Variants in ACTN4 observed in about 807,000 individuals in gnomAD.
ACTN4 encodes alpha-actinin-4.
A neutral mutation model predicts 114.2 loss-of-function variants in ACTN4; 18 were observed. That is an observed-to-expected ratio of 0.16 (90% CI 0.11 to 0.23). The LOEUF is 0.23. ACTN4 is among the 10% of genes least tolerant of loss of function. The pLI, the probability that ACTN4 is intolerant of heterozygous loss-of-function variation, is 1.00. For missense variants in ACTN4, 722 were observed against 1,262.9 expected (o/e 0.57, Z 6.49); for synonymous variants, 515 against 506.3 (o/e 1.02, Z -0.23).
chr19:38,721,629 C>G lies in ACTN4; in HGVS notation c.1383C>G (p.Ser461Arg). The G allele has an allele frequency of 6.2e-7, 1 of 1,614,016 alleles. No individual in the cohort carries two copies. The change falls in exon 12 of 21, where the codon AGC (serine) becomes AGG (arginine). Residue 461 changes from serine to arginine, a missense_variant. Physicochemically the swap from Ser to Arg is moderately radical, Grantham distance 110 (BLOSUM62 -1). Transcript: ENST00000252699. Reference sequence around the variant, plus strand: ...TTCGCAAGCACGAGGCCTTCGAGAGCGACCTGGCTGCGCACCAGGACCGCG... The same window carrying G: ...TTCGCAAGCACGAGGCCTTCGAGAGGGACCTGGCTGCGCACCAGGACCGCG... ...ALIRKHEAFE[S>R]DLAAHQDRVE...
chr19:38,709,607 A>G, intron 7 of ACTN4, 131 bp downstream of exon 7: 4 of 794,354 alleles, frequency 5.0e-6, no homozygotes, highest in African/African-American at 1.7e-5. Flanking sequence ...AGAGCCAGCA[A>G]GAAGGGCTGA....
chr19:38,666,180 T>G (rs1237884357), intron 1 of ACTN4, among the ~76,000 whole-genome samples: 1 of 151,482 alleles, frequency 6.6e-6, no homozygotes, highest in East Asian at 1.9e-4. Context: ...CCCCCCCCTT[T>G]CCTGGGGTCA....
intron 1 of ACTN4, among the ~76,000 whole-genome samples, chr19:38,696,244 T>G (rs1968087856): frequency 6.6e-6 from 1 of 152,190 alleles, no homozygotes; most frequent in Non-Finnish European, 1.5e-5. Flanking sequence ...TGTCTGCTTT[T>G]GCTCACTGTT....
At chr19:38,689,939 C>G (rs1336373527) in intron 1 of ACTN4, among the ~76,000 whole-genome samples, 2 of 152,162 alleles carry the variant, frequency 1.3e-5, no homozygotes, top group African/African-American at 4.8e-5. Context: ...CTAAGCCTAG[C>G]TGGGGAAGGT....
chr19:38,651,731 G>T (rs1441227092), intron 1 of ACTN4, among the ~76,000 whole-genome samples: 1 of 151,102 alleles, frequency 6.6e-6, no homozygotes, highest in Non-Finnish European at 1.5e-5. Context: ...TGTTTTTTTT[G>T]TTTTGTTTTG....
rs1448687566 is a variant in ACTN4, at chr19:38,721,605, T to G, written c.1359T>G (p.Ile453Met). The change falls in exon 12 of 21, where the codon ATT becomes ATG. Residue 453 changes from isoleucine (I) to methionine (M), a missense_variant. Transcript: ENST00000252699. The stretch of plus-strand genomic sequence containing the variant: ...CACTATCGGACATCAAAGCCCTCAT[T>G]CGCAAGCACGAGGCCTTCGAGAGCG... ...TATLSDIKAL[I>M]RKHEAFESDL... 6 of 1,613,902 alleles carry G rather than the reference T, an allele frequency of 3.7e-6. No individual in the cohort carries two copies. The highest frequency in any genetic ancestry group is 8.5e-7 in the Non-Finnish European group (1 of 1,180,014).
chr19:38,680,224 T>G (rs1237772791), intron 1 of ACTN4, among the ~76,000 whole-genome samples: 5 of 25,258 alleles, frequency 2.0e-4, no homozygotes, highest in African/African-American at 3.6e-4. Context: ...TTTTTTTTTT[T>G]TTTTTTTTTT....
At chr19:38,651,751 T>C (rs113293049) in intron 1 of ACTN4, among the ~76,000 whole-genome samples, 3,374 of 152,102 alleles carry the variant, frequency 0.022, 50 homozygotes, top group Non-Finnish European at 0.037. Context: ...GTTTTGTTTT[T>C]TTTGAGACAG....
At chr19:38,663,103 G>C (rs550632066) in intron 1 of ACTN4, among the ~76,000 whole-genome samples, 13 of 152,092 alleles carry the variant, frequency 8.5e-5, no homozygotes, top group Non-Finnish European at 1.6e-4. Context: ...TAGAGACGGG[G>C]TTTCATCATG....
chr19:38,713,638 G>A (rs960171220), intron 8 of ACTN4, among the ~76,000 whole-genome samples: 10 of 152,316 alleles, frequency 6.6e-5, no homozygotes, highest in South Asian at 4.1e-4. Context: ...GAGGCTGGGC[G>A]TCGCTGCCTG....
At chr19:38,655,989 T>C (rs898627513) in intron 1 of ACTN4, among the ~76,000 whole-genome samples, 1 of 152,164 alleles carries the variant, frequency 6.6e-6, no homozygotes, top group Non-Finnish European at 1.5e-5. Context: ...TTTCTTCCAG[T>C]ATTTTCGATC....
chr19:38,652,874 T>C (rs1976606968), intron 1 of ACTN4, among the ~76,000 whole-genome samples: 1 of 151,812 alleles, frequency 6.6e-6, no homozygotes, highest in South Asian at 2.1e-4. Context: ...TCACCTGAGG[T>C]CAGGAGTTCG....
intron 1 of ACTN4, among the ~76,000 whole-genome samples, chr19:38,662,423 G>A (rs2144853157): frequency 6.6e-6 from 1 of 152,324 alleles, no homozygotes; most frequent in African/African-American, 2.4e-5. Flanking sequence ...GTATAACGGA[G>A]CAAATGATTA....
At chr19:38,700,507 T>C in intron 1 of ACTN4, 93 bp from the exon 2 acceptor site, 1 of 1,038,314 alleles carries the variant, frequency 9.6e-7, no homozygotes, top group South Asian at 1.3e-5. Flanking sequence ...GCTGCGGTTC[T>C]CCTGAGGTCA....
chr19:38,680,264 A>C (rs1967522392), intron 1 of ACTN4, among the ~76,000 whole-genome samples: 1 of 137,708 alleles, frequency 7.3e-6, no homozygotes. Context: ...AGTCTCACTC[A>C]GTCGCCCAGG....
At chr19:38,718,144 A>C in intron 11 of ACTN4, 70 bp downstream of exon 11, 4 of 1,555,750 alleles carry the variant, frequency 2.6e-6, no homozygotes, top group Non-Finnish European at 3.5e-6. Flanking sequence ...TCAGGCATGC[A>C]TGGGTGTGCA....
rs1976741522 is a variant in ACTN4, at chr19:38,657,316, T to C, written c.162+9409T>C. Among the ~76,000 whole-genome samples the C allele has an allele frequency of 2.0e-5, 3 of 152,144 alleles. No individual in the cohort carries two copies. The South Asian group carries it at 6.2e-4, about 32-fold the overall frequency. On this transcript the variant is annotated intron_variant, in intron 1 of 20. Coordinates refer to ENST00000252699, the MANE Select transcript of ACTN4 (RefSeq NM_004924.6). ...CGCCACGACGCCCAGCTAATTTTTGTATTTTTAGTAGAGACAGGGTTTCAC... is the reference window on the plus strand; with the variant it reads ...CGCCACGACGCCCAGCTAATTTTTGCATTTTTAGTAGAGACAGGGTTTCAC...
At chr19:38,721,254 C>T (rs12610792) in intron 11 of ACTN4, among the ~76,000 whole-genome samples, 1 of 152,222 alleles carries the variant, frequency 6.6e-6, no homozygotes, top group Admixed American at 6.5e-5. Context: ...TGGTTTCCTA[C>T]TAACAAAAGT....
chr19:38,662,908 TG>T (rs935347414), intron 1 of ACTN4, among the ~76,000 whole-genome samples: 1 of 144,012 alleles, frequency 6.9e-6, no homozygotes, highest in Non-Finnish European at 1.6e-5. Context: ...AAAGTGGGTC[TG>T]TTTTTTTTTT....
Sources: allele counts gnomAD v4.1 joint callset (sites outside exome capture counted in the v4.1 genomes callset), GRCh38; gene constraint gnomAD v4.1.1; transcripts MANE v1.5; gene names NCBI Gene and HGNC (gene_info 2026-07-23, HGNC 2026-07-21).